PRIM2: variants seen among roughly 807,000 people sequenced by gnomAD.
The protein encoded by PRIM2 is DNA primase large subunit.
In PRIM2, 39 loss-of-function variants were observed where a neutral mutation model predicts 67.3. That is an observed-to-expected ratio of 0.58 (90% CI 0.45 to 0.76). The LOEUF (loss-of-function observed/expected upper bound fraction) is 0.76. PRIM2 is among the 30% of genes least tolerant of loss of function. PRIM2 has a pLI of 0.00. For missense variants in PRIM2, 398 were observed against 598.7 expected, an observed-to-expected ratio of 0.66 and a Z score of 3.50; for synonymous variants, 143 against 198.7, an observed-to-expected ratio of 0.72 and a Z score of 2.36.
At chr6:57,338,140 C>T (rs1768326892) in intron 5 of PRIM2, among the ~76,000 whole-genome samples, 1 of 151,846 alleles carries the variant, frequency 6.6e-6, no homozygotes, top group African/African-American at 2.4e-5. Context: ...CACATACACT[C>T]TCCCAAGACT....
the PRIM2 span, among the ~76,000 whole-genome samples, chr6:57,245,348 C>T: frequency 2.0e-5 from 3 of 151,196 alleles, no homozygotes; most frequent in Non-Finnish European, 3.0e-5. Context: ...GAGTGCAAGG[C>T]TGTGCATGAA....
At chr6:57,587,224 T>G (rs1776204784) in intron 10 of PRIM2, 1 of 152,246 alleles carries the variant, frequency 6.6e-6, no homozygotes, top group Non-Finnish European at 1.5e-5. Context: ...CAGTGGAGTC[T>G]TCTGGGAATT....
At position 57,568,642 on chromosome 6, in the gene PRIM2, G is replaced by A. The variant is rs1775796130; in HGVS notation, c.1020+31017G>A. On this transcript the variant is annotated intron_variant, in intron 10 of 13. Transcript: ENST00000615550. ...ACAGTTTTGATTGTCAAAGGAAAAT[G>A]TATAGAAAATTCTATTCTTACAAAG... Among the ~76,000 whole-genome samples, 18 of 152,326 alleles carry A rather than the reference G, an allele frequency of 1.2e-4. No homozygotes were observed. The South Asian group carries it at 3.7e-3, about 32-fold the overall frequency.
chr6:57,409,073 A>G (rs1247811220), intron 7 of PRIM2, among the ~76,000 whole-genome samples: 6 of 151,952 alleles, frequency 3.9e-5, no homozygotes, highest in South Asian at 4.2e-4. Flanking sequence ...ATATACCACA[A>G]TTTGTTTATC....
At chr6:57,592,515 C>T (rs1419385585) in intron 10 of PRIM2, among the ~76,000 whole-genome samples, 32,167 of 152,084 alleles carry the variant, frequency 0.21, 3,966 homozygotes, top group African/African-American at 0.34. Flanking sequence ...GAGTAGTAGG[C>T]CAGGCGTGAT....
chr6:57,369,295 A>G (rs1458554477), intron 5 of PRIM2, among the ~76,000 whole-genome samples: 5 of 152,256 alleles, frequency 3.3e-5, no homozygotes, highest in African/African-American at 1.2e-4. Flanking sequence ...TATAAAAAAG[A>G]AAAAGACACA....
At chr6:57,273,960 A>G in the PRIM2 span, among the ~76,000 whole-genome samples, 1 of 152,282 alleles carries the variant, frequency 6.6e-6, no homozygotes, top group South Asian at 2.1e-4. Flanking sequence ...TGAACCACAA[A>G]TGCTGCTGCC....
At chr6:57,639,885 G>A (rs1305774144) in intron 13 of PRIM2, among the ~76,000 whole-genome samples, 1 of 151,732 alleles carries the variant, frequency 6.6e-6, no homozygotes, top group East Asian at 1.9e-4. Flanking sequence ...CTCATTTTAT[G>A]AGGCCAGCAT....
chr6:57,355,475 A>C (rs1339772101), intron 5 of PRIM2, among the ~76,000 whole-genome samples: 3 of 152,200 alleles, frequency 2.0e-5, no homozygotes, highest in Non-Finnish European at 4.4e-5. Context: ...AGCAGGGGGA[A>C]CATCTCAGTT....
the PRIM2 span, among the ~76,000 whole-genome samples, chr6:57,294,589 G>C: frequency 6.6e-6 from 1 of 151,304 alleles, no homozygotes; most frequent in Non-Finnish European, 1.5e-5. Flanking sequence ...GTATAAGTAT[G>C]TGTATATATG....
intron 7 of PRIM2, among the ~76,000 whole-genome samples, chr6:57,439,404 G>GGT (rs1772123081): frequency 1.8e-5 from 1 of 57,014 alleles, no homozygotes; most frequent in Non-Finnish European, 3.4e-5. Flanking sequence ...GAGGTACTCT[G>GGT]TTTTTTTTTT....
At chr6:57,615,866 G>T (rs1776747633) in intron 12 of PRIM2, among the ~76,000 whole-genome samples, 1 of 152,086 alleles carries the variant, frequency 6.6e-6, no homozygotes, top group South Asian at 2.1e-4. Context: ...CTCCATCCTG[G>T]AAGATACAGC....
chr6:57,407,542 C>T (rs1384804358), intron 7 of PRIM2, among the ~76,000 whole-genome samples: 1 of 152,020 alleles, frequency 6.6e-6, no homozygotes, highest in Non-Finnish European at 1.5e-5. Context: ...ATAGGCTGAG[C>T]AGCCTCCACT....
At chr6:57,259,187 G>A in the PRIM2 span, among the ~76,000 whole-genome samples, 2 of 152,162 alleles carry the variant, frequency 1.3e-5, no homozygotes, top group Non-Finnish European at 2.9e-5. Context: ...TCTGACTCTT[G>A]AGTCCAAGCC....
chr6:57,338,961 G>T (rs1290628319), intron 5 of PRIM2, among the ~76,000 whole-genome samples: 1 of 152,194 alleles, frequency 6.6e-6, no homozygotes, highest in Non-Finnish European at 1.5e-5. Context: ...AAACAACATT[G>T]TCTCAGCCCA....
intron 7 of PRIM2, among the ~76,000 whole-genome samples, chr6:57,498,909 T>A (rs1238831838): frequency 6.6e-6 from 1 of 152,214 alleles, no homozygotes; most frequent in Non-Finnish European, 1.5e-5. Context: ...GTTCCCTCCC[T>A]TCATGCTCAT....
At chr6:57,497,541 C>T (rs1554346490) in intron 7 of PRIM2, 2 of 152,114 alleles carry the variant, frequency 1.3e-5, no homozygotes, top group Non-Finnish European at 2.9e-5. Context: ...CATCCAGACC[C>T]CTGAACTGGA....
chr6:57,294,856 C>G, the PRIM2 span, among the ~76,000 whole-genome samples: 1 of 151,184 alleles, frequency 6.6e-6, no homozygotes, highest in Non-Finnish European at 1.5e-5. Flanking sequence ...GTCACCCAGT[C>G]TGGAGTGCAG....
intron 10 of PRIM2, among the ~76,000 whole-genome samples, chr6:57,548,255 A>G (rs1775328950): frequency 6.6e-6 from 1 of 152,192 alleles, no homozygotes; most frequent in South Asian, 2.1e-4. Flanking sequence ...GAGAAGTGCC[A>G]AAGTTAGAGC....
Sources: allele counts gnomAD v4.1 joint callset (sites outside exome capture counted in the v4.1 genomes callset), GRCh38; gene constraint gnomAD v4.1.1; transcripts MANE v1.5; gene names NCBI Gene and HGNC (gene_info 2026-07-23, HGNC 2026-07-21).